Variants in DYNC2LI1 observed in about 807,000 individuals in gnomAD.
The protein encoded by DYNC2LI1 is dynein cytoplasmic 2 light intermediate chain 1.
DYNC2LI1 carries 45 observed loss-of-function variants against 51.9 expected under a neutral mutation model. The observed-to-expected ratio is 0.87, with a 90% confidence interval of 0.68 to 1.11. DYNC2LI1 has a LOEUF of 1.11. Ranked by LOEUF, DYNC2LI1 falls within the 50% of genes most tolerant of loss-of-function variation. DYNC2LI1 has a pLI of 0.00. For missense variants in DYNC2LI1, 490 were observed against 417.4 expected (o/e 1.17, Z -1.51); for synonymous variants, 130 against 137.8 (o/e 0.94, Z 0.40).
intron 5 of DYNC2LI1, chr2:43,792,542 T>G (rs1291032741): frequency 3.9e-6 from 3 of 762,990 alleles, no homozygotes; most frequent in Non-Finnish European, 5.6e-6. Flanking sequence ...GCGTAAAATT[T>G]TAGTCATTTT....
chr2:43,777,547 C>T (rs1673079533), intron 2 of DYNC2LI1, among the ~76,000 whole-genome samples: 1 of 152,248 alleles, frequency 6.6e-6, no homozygotes, highest in Non-Finnish European at 1.5e-5. Flanking sequence ...TCAAGGCTTG[C>T]CAGATGCAAG....
At chr2:43,784,889 C>T (rs971423574) in intron 3 of DYNC2LI1, among the ~76,000 whole-genome samples, 39 of 151,510 alleles carry the variant, frequency 2.6e-4, no homozygotes, top group African/African-American at 8.7e-4. Context: ...CCGAATATTA[C>T]TCTCTATATA....
At chr2:43,776,055 C>T (rs1025660932) in intron 1 of DYNC2LI1, among the ~76,000 whole-genome samples, 4 of 151,338 alleles carry the variant, frequency 2.6e-5, no homozygotes, top group Non-Finnish European at 4.4e-5. Flanking sequence ...TTTTTTTATA[C>T]TTTAAGTTCT....
the DYNC2LI1 span, chr2:43,826,252 A>G: frequency 7.2e-7 from 1 of 1,394,622 alleles, no homozygotes; most frequent in Non-Finnish European, 9.9e-7. Context: ...CTCCTGCCTC[A>G]GCCTCCCAAA....
At chr2:43,777,780 A>G (rs1317198134) in intron 2 of DYNC2LI1, among the ~76,000 whole-genome samples, 1 of 152,236 alleles carries the variant, frequency 6.6e-6, no homozygotes, top group Non-Finnish European at 1.5e-5. Flanking sequence ...CCCTCTCTGC[A>G]CAACCGGACA....
chr2:43,798,408 T>G (rs546323324), intron 8 of DYNC2LI1, among the ~76,000 whole-genome samples: 1 of 152,142 alleles, frequency 6.6e-6, no homozygotes, highest in Admixed American at 6.5e-5. Context: ...TTTACTATTT[T>G]GAGAGGATAT....
rs55874533 is a variant in DYNC2LI1 at position 43,808,264 on chromosome 2, G to GAA, written c.994-1431_994-1430dup. On this transcript the variant is annotated intron_variant, in intron 12 of 12. Coordinates refer to ENST00000260605, the MANE Select transcript of DYNC2LI1 (RefSeq NM_016008.4). The stretch of plus-strand genomic sequence containing the variant: ...CTAGAATCCAATGAGGAAGTTAAAG[G>GAA]AAAAAAAAAAACACACAAGGAAAAA... Among the ~76,000 whole-genome samples, 75 of 146,104 alleles carry GAA rather than the reference G, an allele frequency of 5.1e-4. No individual in the cohort carries two copies. In the East Asian group the frequency reaches 6.8e-3, roughly 13 times the overall value.
At chr2:43,810,520 T>G (rs1666444828), downstream of DYNC2LI1, 1 of 984,956 alleles carries the variant, frequency 1.0e-6, no homozygotes, top group Non-Finnish European at 1.2e-6. Context: ...CCAAGTTCAT[T>G]TTGAGTAAGT....
At chr2:43,788,343 G>A (rs1336856701) in intron 4 of DYNC2LI1, among the ~76,000 whole-genome samples, 2 of 152,270 alleles carry the variant, frequency 1.3e-5, no homozygotes, top group South Asian at 4.2e-4. Context: ...TTATTTTATT[G>A]ACAATCTGTC....
chr2:43,809,263 A>C (rs1666393515), intron 12 of DYNC2LI1, among the ~76,000 whole-genome samples: 1 of 152,158 alleles, frequency 6.6e-6, no homozygotes, highest in Admixed American at 6.5e-5. Flanking sequence ...AAGTGCTGGG[A>C]CTATAGGAAT....
In DYNC2LI1 at chr2:43,795,977, A is replaced by G. The variant is rs1674019579; in HGVS notation, c.576+19A>G. 9 of 1,596,774 alleles carry G rather than the reference A, an allele frequency of 5.6e-6. No homozygotes were observed. Among genetic ancestry groups the G allele is most frequent in the Middle Eastern group, 1.7e-4 (1 of 6,052 alleles). ...TTTTCAGGTAAGCTCTTCCGCTTCT[A>G]GCTGAGTTTGTTGTACATATATGGC... is the stretch of plus-strand genomic sequence containing the variant. On this transcript the variant is annotated intron_variant, in intron 7 of 12. Transcript: ENST00000260605.
chr2:43,787,953 A>C (rs1673600892), intron 4 of DYNC2LI1, among the ~76,000 whole-genome samples: 1 of 152,206 alleles, frequency 6.6e-6, no homozygotes, highest in South Asian at 2.1e-4. Flanking sequence ...GTATAAAGAG[A>C]TAAAACTGCC....
At chr2:43,788,792 C>T (rs1224523305) in intron 4 of DYNC2LI1, among the ~76,000 whole-genome samples, 2 of 152,102 alleles carry the variant, frequency 1.3e-5, no homozygotes, top group Non-Finnish European at 2.9e-5. Context: ...CCACCACACT[C>T]AGCTAATTTA....
At chr2:43,786,572 C>A (rs113914138) in intron 3 of DYNC2LI1, among the ~76,000 whole-genome samples, 13,098 of 152,042 alleles carry the variant, frequency 0.086, 666 homozygotes, top group South Asian at 0.14. Context: ...GAGGCCGAGG[C>A]GGGCGGATCA....
At chr2:43,824,759 C>T in the DYNC2LI1 span, 1 of 1,475,634 alleles carries the variant, frequency 6.8e-7, no homozygotes, top group Non-Finnish European at 9.2e-7. Context: ...CAAATTGATT[C>T]CTTGAAGAGT....
the DYNC2LI1 span, among the ~76,000 whole-genome samples, chr2:43,820,995 C>T: frequency 6.6e-6 from 1 of 151,912 alleles, no homozygotes; most frequent in Non-Finnish European, 1.5e-5. Flanking sequence ...TATATCCATG[C>T]ACCTTTCCTC....
intron 3 of DYNC2LI1, among the ~76,000 whole-genome samples, chr2:43,786,345 T>C (rs531466409): frequency 8.5e-5 from 13 of 152,198 alleles, no homozygotes; most frequent in Non-Finnish European, 1.9e-4. Flanking sequence ...ACTACAGACA[T>C]GTGCTACCTT....
At chr2:43,775,199 G>A (rs1672955252) in intron 1 of DYNC2LI1, among the ~76,000 whole-genome samples, 1 of 152,086 alleles carries the variant, frequency 6.6e-6, no homozygotes. Context: ...ATAGCACAGA[G>A]GATTGCATAT....
At chr2:43,824,265 T>C in the DYNC2LI1 span, 1 of 1,614,242 alleles carries the variant, frequency 6.2e-7, no homozygotes, top group Non-Finnish European at 8.5e-7. Flanking sequence ...GAATCTTTGG[T>C]TTTGAAAGGA....
Sources: gnomAD v4.1 joint callset for allele counts (sites outside exome capture counted in the v4.1 genomes callset) on GRCh38, gnomAD v4.1.1 for gene constraint, MANE v1.5 for transcripts, NCBI Gene and HGNC (gene_info 2026-07-23, HGNC 2026-07-21) for gene names.